CSMD3: variants seen among roughly 807,000 people sequenced by gnomAD.
CSMD3 encodes the protein CUB and Sushi multiple domains 3, also known as CUB and sushi domain-containing protein 3.
In CSMD3, 177 loss-of-function variants were observed where a neutral mutation model predicts 435.2. The ratio of observed to expected loss-of-function variants is 0.41; its 90% CI spans 0.36 to 0.46. The LOEUF (loss-of-function observed/expected upper bound fraction) is 0.46, where lower values mean the gene tolerates loss of function less well. Among genes scored for constraint, CSMD3 ranks in the 20% least tolerant of loss-of-function variants. The pLI is 0.34. For missense variants in CSMD3, 4,265 were observed against 4,504.6 expected (o/e 0.95, Z 1.52); for synonymous variants, 1,656 against 1,520.5 (o/e 1.09, Z -2.07).
rs148282962 is a variant in CSMD3 at position 113,028,504 on chromosome 8, T to C, written c.918-9325A>G. Among the ~76,000 whole-genome samples the C allele has an allele frequency of 2.3e-3, 351 of 151,700 alleles. 3 individuals are homozygous for C. The highest frequency in any genetic ancestry group is 8.1e-3 in the African/African-American group (335 of 41,504). On this transcript the variant is annotated intron_variant, in intron 5 of 70. Transcript: ENST00000297405. ...GAGAAAAGCATGTTGAGAGCCAAGA[T>C]AGATCTCTTATGCCAAATTAGCCAA...
chr8:112,969,827 T>A (rs892612255), intron 7 of CSMD3, among the ~76,000 whole-genome samples: 4 of 152,000 alleles, frequency 2.6e-5, no homozygotes, highest in African/African-American at 9.7e-5. Flanking sequence ...CCAAGAAAAG[T>A]AATGCTAAAG....
intron 6 of CSMD3, among the ~76,000 whole-genome samples, chr8:113,005,045 ATG>A (rs1259941159): frequency 6.6e-6 from 1 of 151,882 alleles, no homozygotes; most frequent in Non-Finnish European, 1.5e-5. Flanking sequence ...AATGATATAT[ATG>A]TGTCTGTATA....
intron 64 of CSMD3, among the ~76,000 whole-genome samples, chr8:112,245,125 T>A (rs1026803096): frequency 1.3e-5 from 2 of 152,242 alleles, no homozygotes; most frequent in East Asian, 3.9e-4. Context: ...TTTAATAATT[T>A]TTTTACATAT....
At chr8:113,427,635 C>T (rs185640493) in intron 1 of CSMD3, among the ~76,000 whole-genome samples, 3 of 151,736 alleles carry the variant, frequency 2.0e-5, no homozygotes, top group Admixed American at 6.6e-5. Context: ...ACAGCTACCC[C>T]TGTATTTTTA....
At chr8:113,391,283 G>GGCC in intron 1 of CSMD3, among the ~76,000 whole-genome samples, 1 of 152,004 alleles carries the variant, frequency 6.6e-6, no homozygotes, top group South Asian at 2.1e-4. Flanking sequence ...ATTTCAAGTA[G>GGCC]TCAGATACTC....
At chr8:113,109,861 T>A (rs565584361) in intron 4 of CSMD3, among the ~76,000 whole-genome samples, 1 of 152,290 alleles carries the variant, frequency 6.6e-6, no homozygotes, top group Non-Finnish European at 1.5e-5. Context: ...TTACAGGGCA[T>A]CCTTTGCAAT....
intron 6 of CSMD3, among the ~76,000 whole-genome samples, chr8:113,004,117 T>C (rs569113033): frequency 1.3e-5 from 2 of 152,184 alleles, no homozygotes; most frequent in South Asian, 2.1e-4. Context: ...AAGTTTTCTA[T>C]GAAGTTAAAA....
intron 7 of CSMD3, among the ~76,000 whole-genome samples, chr8:112,960,893 A>G (rs2084202231): frequency 6.6e-6 from 1 of 151,758 alleles, no homozygotes; most frequent in African/African-American, 2.4e-5. Context: ...ATTAGAGACA[A>G]GTAATATGGT....
intron 4 of CSMD3, among the ~76,000 whole-genome samples, chr8:113,141,031 A>C (rs2091536082): frequency 1.3e-5 from 2 of 150,932 alleles, no homozygotes; most frequent in African/African-American, 4.8e-5. Context: ...GACCCTGAAG[A>C]TAGAAAAAAG....
intron 10 of CSMD3, among the ~76,000 whole-genome samples, chr8:112,907,149 T>C (rs1295294984): frequency 6.6e-6 from 1 of 151,488 alleles, no homozygotes. Flanking sequence ...TTAGACAAAA[T>C]CCATAAGTAC....
In CSMD3 at chr8:113,347,330, TG is replaced by T. The variant is rs200189062; in HGVS notation, c.179-32538del. ...CTTAACCTAGTGCTAATAACTGCTC[TG>T]GTTATTATCTCCTTCCACACCTCCC... On this transcript the variant is annotated intron_variant, in intron 1 of 70. Coordinates refer to ENST00000297405, the MANE Select transcript of CSMD3 (RefSeq NM_198123.2). 9.6e-3 allele frequency among the ~76,000 whole-genome samples: 1,459 copies of T among 152,224 alleles called. 8 individuals carry two copies. The highest frequency in any genetic ancestry group is 0.015 in the Non-Finnish European group (1,012 of 67,998).
At chr8:112,794,972 T>C (rs2078791465) in intron 13 of CSMD3, among the ~76,000 whole-genome samples, 1 of 152,054 alleles carries the variant, frequency 6.6e-6, no homozygotes, top group Non-Finnish European at 1.5e-5. Flanking sequence ...TCTGAAGAGA[T>C]TTATAGTCAA....
chr8:113,111,596 C>A (rs937216879), intron 4 of CSMD3, among the ~76,000 whole-genome samples: 1 of 152,080 alleles, frequency 6.6e-6, no homozygotes, highest in Non-Finnish European at 1.5e-5. Context: ...TCGCATGTGT[C>A]GATTTGAGCG....
intron 11 of CSMD3, among the ~76,000 whole-genome samples, chr8:112,842,178 G>A (rs1248051247): frequency 6.6e-6 from 1 of 151,750 alleles, no homozygotes. Context: ...AGAAGGTTGA[G>A]CATGGCCCCA....
intron 13 of CSMD3, among the ~76,000 whole-genome samples, chr8:112,719,171 A>G (rs1477500396): frequency 3.3e-5 from 5 of 152,218 alleles, no homozygotes; most frequent in African/African-American, 1.2e-4. Flanking sequence ...CATGGGTAAC[A>G]GCAAGAGAAT....
At chr8:113,239,093 G>T (rs543445396) in intron 3 of CSMD3, among the ~76,000 whole-genome samples, 1 of 152,006 alleles carries the variant, frequency 6.6e-6, no homozygotes, top group East Asian at 1.9e-4. Flanking sequence ...TTGCCTGTCC[G>T]CCTTGAGCTG....
At chr8:112,723,478 C>T (rs1056304829) in intron 13 of CSMD3, among the ~76,000 whole-genome samples, 6 of 152,212 alleles carry the variant, frequency 3.9e-5, no homozygotes, top group East Asian at 1.9e-4. Flanking sequence ...TTCATTAAAG[C>T]GTAAGATAAA....
At chr8:113,150,870 T>G (rs1445537108) in intron 4 of CSMD3, among the ~76,000 whole-genome samples, 1 of 152,030 alleles carries the variant, frequency 6.6e-6, no homozygotes, top group Non-Finnish European at 1.5e-5. Context: ...CTTTCGGTTC[T>G]ATATCTGTAT....
At chr8:112,590,353 G>A (rs1831079081) in intron 22 of CSMD3, among the ~76,000 whole-genome samples, 2 of 151,992 alleles carry the variant, frequency 1.3e-5, no homozygotes, top group Admixed American at 1.3e-4. Flanking sequence ...ACTTGAAAAT[G>A]GATGAGTAAA....
Sources: gnomAD v4.1 joint callset for allele counts (sites outside exome capture counted in the v4.1 genomes callset) on GRCh38, gnomAD v4.1.1 for gene constraint, MANE v1.5 for transcripts, NCBI Gene and HGNC (gene_info 2026-07-23, HGNC 2026-07-21) for gene names.